The following KAT2B variants were observed in gnomAD, a reference collection of about 807,000 sequenced individuals.
KAT2B encodes histone acetyltransferase KAT2B.
In KAT2B, 36 loss-of-function variants were observed where a neutral mutation model predicts 105.9. The ratio of observed to expected loss-of-function variants is 0.34; its 90% confidence interval spans 0.26 to 0.45. The LOEUF (loss-of-function observed/expected upper bound fraction) is 0.45. Among genes scored for constraint, KAT2B ranks in the 20% least tolerant of loss-of-function variants. KAT2B has a pLI of 1.00. For synonymous variants in KAT2B, 397 were observed against 377.9 expected (o/e 1.05, Z -0.59); for missense variants, 820 against 1,021.6 (o/e 0.80, Z 2.69).
rs1559514418 is a variant in KAT2B at position 20,062,254 on chromosome 3, A to AAAT, written c.304-10078_304-10077insATA. On this transcript the variant is annotated intron_variant, in intron 1 of 17. Coordinates refer to ENST00000263754, the MANE Select transcript of KAT2B (RefSeq NM_003884.5). ...TATATATAAAATATATAATATATAA[A>AAAT]ATATGATATATAATATATAATATAT... Among the ~76,000 whole-genome samples the AAAT allele has an allele frequency of 1.6e-4, 10 of 61,442 alleles. 1 individual carries two copies. Among genetic ancestry groups the AAAT allele is most frequent in the Non-Finnish European group, 2.1e-4 (8 of 38,508 alleles). The allele number at this position is 61,442 out of a possible 152,430, so 40.3% of individuals were successfully genotyped here. A position where few individuals can be genotyped will look rare whatever the true frequency, so the allele number is the denominator to read the frequency against.
At chr3:20,151,866 T>C (rs530172139) in intron 17 of KAT2B, among the ~76,000 whole-genome samples, 1 of 152,318 alleles carries the variant, frequency 6.6e-6, no homozygotes, top group East Asian at 1.9e-4. Flanking sequence ...TATCAGTTTC[T>C]CTATATGACA....
intron 3 of KAT2B, among the ~76,000 whole-genome samples, chr3:20,097,254 G>A (rs562909900): frequency 6.6e-6 from 1 of 152,292 alleles, no homozygotes; most frequent in Admixed American, 6.5e-5. Context: ...GTGGTGTCAA[G>A]GTTTCCATCC....
At chr3:20,113,219 T>G (rs1286222981) in intron 6 of KAT2B, among the ~76,000 whole-genome samples, 1 of 152,214 alleles carries the variant, frequency 6.6e-6, no homozygotes, top group African/African-American at 2.4e-5. Flanking sequence ...TGATGTAAGC[T>G]CCTTTCCTTA....
Position 20,125,940 on chromosome 3 carries a change from G to A in KAT2B, c.1449G>A (p.Glu483=). ...NFLSAHSARD[E]AARLEERRGV... ...TGTCAGCACACTCGGCCAGGGATGA[G>A]GCGGCAAGGTTGGAAGAGCGCAGGG... Residue 483 remains glutamate (E), a synonymous_variant, in exon 10 of 18, where the codon GAG becomes GAA. Transcript: ENST00000263754. 6.2e-7 allele frequency: 1 copy of A among 1,613,950 alleles called. No individual in the cohort carries two copies. The highest frequency in any genetic ancestry group is 8.5e-7 in the Non-Finnish European group (1 of 1,179,932).
At chr3:20,045,098 T>A (rs928765995) in intron 1 of KAT2B, among the ~76,000 whole-genome samples, 1 of 152,106 alleles carries the variant, frequency 6.6e-6, no homozygotes, top group African/African-American at 2.4e-5. Flanking sequence ...CACTGCAACC[T>A]GTACCTCCCA....
At chr3:20,076,783 G>A (rs144143548) in intron 2 of KAT2B, among the ~76,000 whole-genome samples, 1 of 152,246 alleles carries the variant, frequency 6.6e-6, no homozygotes, top group Non-Finnish European at 1.5e-5. Context: ...AGGGAATTCT[G>A]TTAGGAATTA....
intron 2 of KAT2B, among the ~76,000 whole-genome samples, chr3:20,076,347 T>C (rs1002108211): frequency 1.6e-4 from 25 of 152,154 alleles, no homozygotes; most frequent in African/African-American, 6.0e-4. Flanking sequence ...CCCTACTCCT[T>C]CCTTTCTTCC....
intron 8 of KAT2B, among the ~76,000 whole-genome samples, chr3:20,121,510 C>T (rs1699306872): frequency 6.6e-6 from 1 of 152,124 alleles, no homozygotes; most frequent in African/African-American, 2.4e-5. Context: ...CATGGCTCTC[C>T]TATTGTGTGG....
chr3:20,080,389 C>G (rs994803855), intron 2 of KAT2B, among the ~76,000 whole-genome samples: 2 of 152,208 alleles, frequency 1.3e-5, no homozygotes, highest in Admixed American at 6.5e-5. Flanking sequence ...CCAGGGAATT[C>G]TGCTTATCCT....
chr3:20,078,752 A>G (rs1045141898), intron 2 of KAT2B, among the ~76,000 whole-genome samples: 3 of 151,674 alleles, frequency 2.0e-5, no homozygotes, highest in Admixed American at 6.6e-5. Flanking sequence ...GTTTTTTGTC[A>G]CTATAGATTC....
rs150042375 is a variant in KAT2B at position 20,131,660 on chromosome 3, TG to T, written c.1749+4112del. On this transcript the variant is annotated intron_variant, in intron 11 of 17. Coordinates refer to ENST00000263754, the MANE Select transcript of KAT2B (RefSeq NM_003884.5). The stretch of plus-strand genomic sequence containing the variant: ...ACAGCTCCCTGCGTCTGCGACCTCC[TG>T]TGCTCAGGTAATCCTCCTACCTCAG... Among the ~76,000 whole-genome samples, 777 of 152,302 alleles carry T rather than the reference TG, an allele frequency of 5.1e-3. 5 individuals carry two copies. The highest frequency in any genetic ancestry group is 0.018 in the African/African-American group (734 of 41,576).
chr3:20,131,038 G>A (rs867926645), intron 11 of KAT2B, among the ~76,000 whole-genome samples: 9 of 124,428 alleles, frequency 7.2e-5, no homozygotes, highest in East Asian at 2.4e-4. Flanking sequence ...TTTTTGAGAC[G>A]GAGTTTTGCT....
At chr3:20,126,596 G>A (rs1368894603) in intron 10 of KAT2B, among the ~76,000 whole-genome samples, 4 of 151,764 alleles carry the variant, frequency 2.6e-5, no homozygotes, top group African/African-American at 4.8e-5. Flanking sequence ...GCTGAGGTGG[G>A]AGGATCACCT....
intron 2 of KAT2B, among the ~76,000 whole-genome samples, chr3:20,087,545 C>A: frequency 6.6e-6 from 1 of 152,126 alleles, no homozygotes; most frequent in South Asian, 2.1e-4. Context: ...TAGCAATTTT[C>A]AATTATATAA....
intron 12 of KAT2B, chr3:20,137,783 A>G (rs1020965154): frequency 6.6e-6 from 1 of 152,440 alleles, no homozygotes; most frequent in Non-Finnish European, 1.5e-5. Context: ...CGGCCTCCCT[A>G]AGTGCTGGGA....
intron 5 of KAT2B, among the ~76,000 whole-genome samples, chr3:20,109,645 A>C (rs1422647773): frequency 2.0e-5 from 3 of 152,158 alleles, no homozygotes; most frequent in Admixed American, 6.5e-5. Context: ...TAACTTAATT[A>C]AGTGGCCACA....
chr3:20,074,380 G>GT (rs1379807621), intron 2 of KAT2B, among the ~76,000 whole-genome samples: 2 of 152,136 alleles, frequency 1.3e-5, no homozygotes, highest in Non-Finnish European at 2.9e-5. Flanking sequence ...GTAGCTGTGA[G>GT]TATGAGCACA....
At chr3:20,043,613 A>G (rs1697756229) in intron 1 of KAT2B, among the ~76,000 whole-genome samples, 3 of 152,074 alleles carry the variant, frequency 2.0e-5, no homozygotes, top group African/African-American at 7.2e-5. Context: ...AGGTGGGCCA[A>G]CTGAGCCAGA....
At chr3:20,131,639 C>A (rs1485691956) in intron 11 of KAT2B, among the ~76,000 whole-genome samples, 1 of 152,114 alleles carries the variant, frequency 6.6e-6, no homozygotes, top group East Asian at 1.9e-4. Flanking sequence ...ATGATCACAG[C>A]TCCCTGCGTC....
Sources: allele counts gnomAD v4.1 joint callset (sites outside exome capture counted in the v4.1 genomes callset), GRCh38; gene constraint gnomAD v4.1.1; transcripts MANE v1.5; gene names NCBI Gene and HGNC (gene_info 2026-07-23, HGNC 2026-07-21).